Variants in VPS54 observed in about 807,000 individuals in gnomAD.
VPS54 encodes VPS54 subunit of GARP complex, also known as vacuolar protein sorting-associated protein 54.
VPS54 carries 45 observed loss-of-function variants against 121.5 expected under a neutral mutation model. That is an observed-to-expected ratio of 0.37 (90% CI 0.29 to 0.47). The LOEUF is 0.47. Ranked by LOEUF, VPS54 falls within the 20% of genes least tolerant of loss-of-function variation. VPS54 has a pLI of 0.99. For synonymous variants in VPS54, 371 were observed against 385.8 expected (o/e 0.96, Z 0.45); for missense variants, 1,090 against 1,131.4 (o/e 0.96, Z 0.52).
intron 20 of VPS54, among the ~76,000 whole-genome samples, chr2:63,909,833 TCCTGCCTCAGCCTCCCGAG>T (rs942776037): frequency 4.7e-5 from 7 of 149,288 alleles, no homozygotes; most frequent in Admixed American, 2.0e-4. Context: ...CAAGCAACTC[TCCTGCCTCAGCCTCCCGAG>T]TAGCTGGGAT....
chr2:64,003,385 T>C (rs1409424780), intron 1 of VPS54, among the ~76,000 whole-genome samples: 1 of 152,216 alleles, frequency 6.6e-6, no homozygotes, highest in Non-Finnish European at 1.5e-5. Context: ...TGTTCAAATA[T>C]TATTCTCTCT....
At chr2:63,967,718 C>CAAAAAAAAA (rs56820620) in intron 5 of VPS54, among the ~76,000 whole-genome samples, 28 of 52,980 alleles carry the variant, frequency 5.3e-4, no homozygotes, top group South Asian at 1.2e-3. Flanking sequence ...GACTCTGCCT[C>CAAAAAAAAA]AAAAAAAAAA....
Position 63,962,479 on chromosome 2 carries a change from G to A in VPS54, c.625-36C>T, listed in dbSNP as rs187201678. 6.3e-5 allele frequency: 98 copies of A among 1,550,322 alleles called. No homozygotes were observed. The African/African-American group carries it at 1.0e-3, about 17-fold the overall frequency. On this transcript the variant is annotated intron_variant, in intron 6 of 22. Transcript: ENST00000272322. ...AAGGAAAAAAAATATGAAGTACTAT[G>A]AGCATACCTTCCTTGATTATCCAAA...
At chr2:63,938,050 GGTGTGTGTGGTGTGTGTGTGTGTGT>G (rs1000220412) in intron 11 of VPS54, among the ~76,000 whole-genome samples, 2 of 134,110 alleles carry the variant, frequency 1.5e-5, no homozygotes, top group African/African-American at 5.8e-5. Flanking sequence ...GTGTGTGTGT[GGTGTGTGTGGTGTGTGTGTGTGTGT>G]GTGTGTGTGT....
chr2:63,903,762 T>C (rs999961945), intron 20 of VPS54, among the ~76,000 whole-genome samples: 2 of 151,872 alleles, frequency 1.3e-5, no homozygotes, highest in Admixed American at 1.3e-4. Flanking sequence ...CAAACAGAAA[T>C]ATAGCTAGTA....
chr2:63,932,196 C>T (rs925914416), intron 12 of VPS54, among the ~76,000 whole-genome samples: 1 of 152,186 alleles, frequency 6.6e-6, no homozygotes, highest in African/African-American at 2.4e-5. Flanking sequence ...ACGATGAAGA[C>T]ACATGCACAC....
intron 2 of VPS54, 31 bp downstream of exon 2, chr2:63,983,833 G>C (rs1179073711): frequency 6.4e-7 from 1 of 1,569,122 alleles, no homozygotes; most frequent in Non-Finnish European, 8.6e-7. Flanking sequence ...GAAATCATCA[G>C]TAAAAATCCT....
chr2:63,968,229 A>C (rs986571043), intron 5 of VPS54, among the ~76,000 whole-genome samples: 1 of 152,166 alleles, frequency 6.6e-6, no homozygotes, highest in East Asian at 1.9e-4. Context: ...AAAATTTTTC[A>C]TACAAAGTAA....
At chr2:64,006,696 G>A (rs1245994222) in intron 1 of VPS54, among the ~76,000 whole-genome samples, 1 of 152,010 alleles carries the variant, frequency 6.6e-6, no homozygotes, top group African/African-American at 2.4e-5. Flanking sequence ...CGGCTTCACT[G>A]CAACCTCCGC....
At chr2:63,922,378 G>A (rs985051652) in intron 12 of VPS54, among the ~76,000 whole-genome samples, 1 of 152,164 alleles carries the variant, frequency 6.6e-6, no homozygotes, top group Non-Finnish European at 1.5e-5. Flanking sequence ...AGGCTCTGGT[G>A]TATATTACTT....
chr2:63,948,975 G>T, intron 8 of VPS54, 62 bp downstream of exon 8: 1 of 1,569,748 alleles, frequency 6.4e-7, no homozygotes, highest in Non-Finnish European at 8.6e-7. Context: ...TGAGAAAAAT[G>T]TGTTCTAAGC....
intron 2 of VPS54, among the ~76,000 whole-genome samples, chr2:63,983,127 T>G (rs569950369): frequency 6.6e-6 from 1 of 151,922 alleles, no homozygotes; most frequent in African/African-American, 2.4e-5. Context: ...AAAAAAAAAT[T>G]TCAATTTCCC....
chr2:63,917,064 A>G (rs1239191069), intron 15 of VPS54, 101 bp from the exon 16 acceptor site: 4 of 1,125,704 alleles, frequency 3.6e-6, no homozygotes, highest in Non-Finnish European at 5.2e-6. Flanking sequence ...AAAAACTCTC[A>G]TTTCTGAAAA....
At chr2:63,997,603 T>C (rs1677660541) in intron 1 of VPS54, among the ~76,000 whole-genome samples, 1 of 151,760 alleles carries the variant, frequency 6.6e-6, no homozygotes, top group Non-Finnish European at 1.5e-5. Context: ...TGGCAAAAGA[T>C]GTGTCAGTTT....
intron 1 of VPS54, among the ~76,000 whole-genome samples, chr2:64,018,038 C>A (rs770381221): frequency 9.9e-5 from 15 of 152,158 alleles, no homozygotes; most frequent in African/African-American, 3.4e-4. Flanking sequence ...AGTGAATGTA[C>A]ATCAAAATCT....
chr2:63,907,953 A>G (rs766841970), intron 20 of VPS54, among the ~76,000 whole-genome samples: 34 of 152,230 alleles, frequency 2.2e-4, no homozygotes, highest in Admixed American at 4.6e-4. Flanking sequence ...CATGGCAAGT[A>G]AAAAGGCAAA....
At chr2:63,929,904 A>T (rs923416799) in intron 12 of VPS54, among the ~76,000 whole-genome samples, 3 of 152,216 alleles carry the variant, frequency 2.0e-5, no homozygotes, top group African/African-American at 7.2e-5. Context: ...AATAAACTAG[A>T]AAATCTAGAA....
chr2:63,977,665 A>G (rs566325734), intron 3 of VPS54, among the ~76,000 whole-genome samples: 36 of 152,306 alleles, frequency 2.4e-4, no homozygotes, highest in East Asian at 2.3e-3. Flanking sequence ...TTGAGTTCCC[A>G]GTTTGATCAT....
At chr2:64,004,796 T>G (rs1678048000) in intron 1 of VPS54, among the ~76,000 whole-genome samples, 1 of 152,194 alleles carries the variant, frequency 6.6e-6, no homozygotes, top group Non-Finnish European at 1.5e-5. Flanking sequence ...ATTTCTTCTT[T>G]TTGAGACAGG....
Sources: allele counts gnomAD v4.1 joint callset (sites outside exome capture counted in the v4.1 genomes callset), GRCh38; gene constraint gnomAD v4.1.1; transcripts MANE v1.5; gene names NCBI Gene and HGNC (gene_info 2026-07-23, HGNC 2026-07-21).